The following STK38 variants were observed in gnomAD, a reference collection of about 807,000 sequenced individuals.
STK38 encodes the protein serine/threonine-protein kinase 38.
A neutral mutation model predicts 59.0 loss-of-function variants in STK38; 26 were observed. The observed-to-expected ratio is 0.44, with a 90% CI of 0.32 to 0.61. The LOEUF is 0.61. Among genes scored for constraint, STK38 ranks in the 20% least tolerant of loss-of-function variants. The pLI is 0.04. For missense variants in STK38, 433 were observed against 566.0 expected (o/e 0.76, Z 2.38); for synonymous variants, 175 against 176.6 (o/e 0.99, Z 0.07).
chr6:36,520,649 T>C (rs1039260060), intron 5 of STK38, among the ~76,000 whole-genome samples: 2 of 152,212 alleles, frequency 1.3e-5, no homozygotes, highest in African/African-American at 4.8e-5. Context: ...AGTATGTAAG[T>C]AGGCCGGCCT....
Position 36,495,615 on chromosome 6 carries a change from T to C in STK38, c.*169A>G. On this transcript the variant is annotated 3_prime_UTR_variant, in exon 14 of 14. Coordinates refer to ENST00000229812, the MANE Select transcript of STK38 (RefSeq NM_007271.4). ...AAATGGTTGTCTTTGTTTACAGTTTTTCAGATGCATTATGGAAGAAAATCC... is the reference window on the plus strand; with the variant it reads ...AAATGGTTGTCTTTGTTTACAGTTTCTCAGATGCATTATGGAAGAAAATCC... 2.5e-6 allele frequency: 2 copies of C among 799,064 alleles called. No individual in the cohort carries two copies. The highest frequency in any genetic ancestry group is 2.2e-5 in the South Asian group (1 of 46,018). 49.5% of individuals were successfully genotyped at this position (799,064 alleles called of 1,614,324 possible). A position where few individuals can be genotyped will look rare whatever the true frequency, so the allele number is the denominator to read the frequency against.
At chr6:36,543,753 T>A (rs1777998541) in intron 1 of STK38, among the ~76,000 whole-genome samples, 1 of 152,172 alleles carries the variant, frequency 6.6e-6, no homozygotes, top group African/African-American at 2.4e-5. Flanking sequence ...GCGATTCTCC[T>A]GCCTCAGCCT....
intron 2 of STK38, among the ~76,000 whole-genome samples, chr6:36,527,526 T>G (rs1283849215): frequency 6.7e-6 from 1 of 150,298 alleles, no homozygotes; most frequent in East Asian, 2.0e-4. Flanking sequence ...GCACTCCAGC[T>G]CAGATGTCGG....
At chr6:36,516,565 G>C (rs1025468310) in intron 6 of STK38, among the ~76,000 whole-genome samples, 2 of 152,160 alleles carry the variant, frequency 1.3e-5, no homozygotes, top group Non-Finnish European at 1.5e-5. Context: ...TTATTAAAGT[G>C]CTCTTTTTCA....
intron 4 of STK38, 135 bp downstream of exon 4, chr6:36,524,206 T>C (rs1253031744): frequency 9.8e-7 from 1 of 1,018,600 alleles, no homozygotes; most frequent in Non-Finnish European, 1.4e-6. Context: ...ACAAAGCAAT[T>C]AGGATGTGGG....
chr6:36,510,909 G>A (rs186907725), intron 7 of STK38, among the ~76,000 whole-genome samples: 2 of 152,312 alleles, frequency 1.3e-5, no homozygotes, highest in Admixed American at 1.3e-4. Flanking sequence ...TTTCTGGCAG[G>A]AATGGGCATT....
intron 5 of STK38, among the ~76,000 whole-genome samples, chr6:36,520,779 T>C (rs550358462): frequency 1.3e-5 from 2 of 152,194 alleles, no homozygotes; most frequent in African/African-American, 4.8e-5. Flanking sequence ...CGGTAACACA[T>C]GAAAATTTGA....
In STK38 at chr6:36,495,394, C is replaced by T. The variant is rs528275250; in HGVS notation, c.*390G>A. ...AATACTTGGTGGGCTTGGCAGAGAGCGTGTCACAAAATTACAGGAACTGGC... is the reference window on the plus strand; with the variant it reads ...AATACTTGGTGGGCTTGGCAGAGAGTGTGTCACAAAATTACAGGAACTGGC... On this transcript the variant is annotated 3_prime_UTR_variant, in exon 14 of 14. Coordinates refer to ENST00000229812, the MANE Select transcript of STK38 (RefSeq NM_007271.4). The T allele has an allele frequency of 1.7e-5, 3 of 177,462 alleles. No individual in the cohort carries two copies. Among genetic ancestry groups the T allele is most frequent in the African/African-American group, 4.7e-5 (2 of 42,134 alleles). 11.0% of individuals were successfully genotyped at this position (177,462 alleles called of 1,614,324 possible).
At chr6:36,496,877 C>CA in intron 12 of STK38, 72 bp from the exon 13 acceptor site, 1 of 1,078,672 alleles carries the variant, frequency 9.3e-7, no homozygotes, top group Non-Finnish European at 1.4e-6. Context: ...AGTCTTTCTC[C>CA]AAAAAAGACC....
rs148483000 is a variant in STK38 at position 36,535,081 on chromosome 6, AGATT to A, written c.131+4987_131+4990del. Among the ~76,000 whole-genome samples the A allele has an allele frequency of 4.6e-3, 695 of 152,330 alleles. 6 individuals are homozygous for A. Among genetic ancestry groups the A allele is most frequent in the African/African-American group, 0.014 (572 of 41,580 alleles). On this transcript the variant is annotated intron_variant, in intron 2 of 13. Transcript: ENST00000229812. ...CAGAAAACCCCCAAATATTAGAAAT[AGATT>A]AACAAGACATGTAAGATGCACACAC...
chr6:36,536,293 G>C (rs1004215031), intron 2 of STK38, among the ~76,000 whole-genome samples: 1 of 152,060 alleles, frequency 6.6e-6, no homozygotes, highest in African/African-American at 2.4e-5. Context: ...AATTCAATAT[G>C]GATCACAGAA....
chr6:36,508,287 T>C (rs1430789591), intron 7 of STK38, among the ~76,000 whole-genome samples: 1 of 152,112 alleles, frequency 6.6e-6, no homozygotes, highest in Non-Finnish European at 1.5e-5. Context: ...TGGGACTTCA[T>C]TGTTTACCTT....
At chr6:36,540,468 T>A (rs1043547755) in intron 1 of STK38, among the ~76,000 whole-genome samples, 2 of 152,194 alleles carry the variant, frequency 1.3e-5, no homozygotes, top group Non-Finnish European at 2.9e-5. Context: ...CACAGGATGT[T>A]CAGCACAGAG....
chr6:36,540,198 G>A lies in STK38; in HGVS notation c.5C>T (p.Ala2Val). The A allele has an allele frequency of 6.2e-7, 1 of 1,613,692 alleles. No individual in the cohort carries two copies. The highest frequency in any genetic ancestry group is 8.5e-7 in the Non-Finnish European group (1 of 1,179,844). M[A>V]MTGSTPCSSM... The stretch of plus-strand genomic sequence containing the variant: ...TGAGCAAGGTGTTGAGCCTGTCATT[G>A]CCATGGCTGCTAGAAACAAAGAAAA... Residue 2 changes from alanine (A) to valine (V), a missense_variant, in exon 2 of 14, where the codon GCA becomes GTA. This residue lies in a region of STK38 where 293 missense variants were observed against 388.2 expected (regional missense o/e 0.75). Transcript: ENST00000229812.
intron 7 of STK38, among the ~76,000 whole-genome samples, chr6:36,509,397 A>C (rs1777048552): frequency 6.6e-6 from 1 of 152,260 alleles, no homozygotes; most frequent in East Asian, 1.9e-4. Flanking sequence ...AAATTGTAGA[A>C]AGAAGCAAAC....
chr6:36,535,969 C>G (rs374284024), intron 2 of STK38, among the ~76,000 whole-genome samples: 1 of 151,348 alleles, frequency 6.6e-6, no homozygotes, highest in African/African-American at 2.4e-5. Flanking sequence ...GCAAAGAACA[C>G]AGAATACTCA....
At chr6:36,510,639 T>C (rs982422657) in intron 7 of STK38, among the ~76,000 whole-genome samples, 1 of 150,408 alleles carries the variant, frequency 6.6e-6, no homozygotes, top group Non-Finnish European at 1.5e-5. Context: ...GACCATGCTG[T>C]ATTCCAATCA....
At chr6:36,512,224 T>C (rs977689515) in intron 7 of STK38, among the ~76,000 whole-genome samples, 1 of 152,244 alleles carries the variant, frequency 6.6e-6, no homozygotes, top group Non-Finnish European at 1.5e-5. Flanking sequence ...ATAATCTATG[T>C]GGCTGAACAC....
At chr6:36,520,870 G>A (rs1777361646) in intron 5 of STK38, among the ~76,000 whole-genome samples, 1 of 152,120 alleles carries the variant, frequency 6.6e-6, no homozygotes, top group African/African-American at 2.4e-5. Context: ...CTCTCAAGAG[G>A]TAGAAAGGAT....
Sources: allele counts gnomAD v4.1 joint callset (sites outside exome capture counted in the v4.1 genomes callset), GRCh38; gene constraint gnomAD v4.1.1; regional missense constraint gnomAD v4.1.1; transcripts MANE v1.5; gene names NCBI Gene and HGNC (gene_info 2026-07-23, HGNC 2026-07-21).